Variants in MAP4K4 observed in about 807,000 individuals in gnomAD.
MAP4K4 encodes the protein mitogen-activated protein kinase kinase kinase kinase 4.
MAP4K4 carries 38 observed loss-of-function variants against 189.6 expected under a neutral mutation model. That is an observed-to-expected ratio of 0.20 (90% confidence interval 0.15 to 0.26). MAP4K4 has a LOEUF of 0.26. Among genes scored for constraint, MAP4K4 ranks in the 10% least tolerant of loss-of-function variants. The pLI, the probability that MAP4K4 is intolerant of heterozygous loss-of-function variation, is 1.00. For synonymous variants in MAP4K4, 610 were observed against 624.3 expected, an observed-to-expected ratio of 0.98 and a Z score of 0.34; for missense variants, 1,054 against 1,726.9, an observed-to-expected ratio of 0.61 and a Z score of 6.91.
In MAP4K4 at chr2:101,740,151, C is replaced by CTTTTTTT. The variant is rs71250687; in HGVS notation, c.123+41627_123+41633dup. On this transcript the variant is annotated intron_variant, in intron 2 of 32. Coordinates refer to ENST00000324219, the Ensembl canonical transcript of MAP4K4. ...TGGCTTCAAAGTTGCTTTATATCAT[C>CTTTTTTT]TTTTTTTTTTTTTTTTTTTTGAGAC... 3.0e-3 allele frequency among the ~76,000 whole-genome samples: 260 copies of CTTTTTTT among 87,182 alleles called. 48 individuals carry two copies. The highest frequency in any genetic ancestry group is 0.023 in the African/African-American group (248 of 10,776). 57.2% of individuals were successfully genotyped at this position (87,182 alleles called of 152,430 possible).
intron 2 of MAP4K4, among the ~76,000 whole-genome samples, chr2:101,776,562 A>G (rs552913297): frequency 7.4e-6 from 1 of 134,298 alleles, no homozygotes; most frequent in Non-Finnish European, 1.7e-5. Context: ...AAGACAAAAA[A>G]TGCACCCCCA....
chr2:101,856,567 C>CTGGA lies in MAP4K4; in HGVS notation c.1395+431_1395+432insGATG, dbSNP rs1226639475. 2.0e-5 allele frequency among the ~76,000 whole-genome samples: 3 copies of CTGGA among 152,134 alleles called. No homozygotes were observed. In the East Asian group the frequency reaches 5.8e-4, roughly 29 times the overall value. ...TGAATATCCAGTGGCTAAGTGAATA[C>CTGGA]TGTAATATATATCAGCATGTAATTC... On this transcript the variant is annotated intron_variant, in intron 13 of 32. Coordinates refer to ENST00000324219, the Ensembl canonical transcript of MAP4K4.
At chr2:101,753,684 C>G (rs1307098181) in intron 2 of MAP4K4, among the ~76,000 whole-genome samples, 2 of 150,806 alleles carry the variant, frequency 1.3e-5, no homozygotes, top group Admixed American at 6.6e-5. Flanking sequence ...TTTTCCTTAG[C>G]CCAGCAAAAA....
chr2:101,731,205 C>T (rs2058326355), intron 2 of MAP4K4, among the ~76,000 whole-genome samples: 1 of 151,900 alleles, frequency 6.6e-6, no homozygotes, highest in East Asian at 2.0e-4. Context: ...CAACCTCCGC[C>T]CCCCAGATTC....
intron 26 of MAP4K4, among the ~76,000 whole-genome samples, chr2:101,874,717 A>G (rs879584183): frequency 1.3e-5 from 2 of 152,186 alleles, no homozygotes; most frequent in African/African-American, 4.8e-5. Context: ...TTCATTTTTC[A>G]TGCTTGTAAT....
At chr2:101,813,960 T>C (rs982163943) in intron 3 of MAP4K4, among the ~76,000 whole-genome samples, 3 of 152,250 alleles carry the variant, frequency 2.0e-5, no homozygotes, top group Non-Finnish European at 4.4e-5. Flanking sequence ...TGGTTTGATA[T>C]CTTTCTAAGA....
chr2:101,704,547 A>G (rs1228281332), intron 2 of MAP4K4, among the ~76,000 whole-genome samples: 10 of 67,308 alleles, frequency 1.5e-4, no homozygotes, highest in East Asian at 1.2e-3. Context: ...GTGTGTATAT[A>G]TATATATATA....
At chr2:101,871,942 T>C (rs190785661) in intron 24 of MAP4K4, among the ~76,000 whole-genome samples, 47 of 152,348 alleles carry the variant, frequency 3.1e-4, no homozygotes, top group African/African-American at 1.0e-3. Flanking sequence ...CATGGCTTTA[T>C]CTAGTTTATT....
chr2:101,846,404 A>G (rs559232693), intron 12 of MAP4K4, among the ~76,000 whole-genome samples: 1 of 152,234 alleles, frequency 6.6e-6, no homozygotes, highest in Admixed American at 6.5e-5. Flanking sequence ...GGTGGCATAG[A>G]CTACTTTGGT....
chr2:101,795,563 C>T (rs1157647487), intron 3 of MAP4K4, among the ~76,000 whole-genome samples: 1 of 152,130 alleles, frequency 6.6e-6, no homozygotes, highest in Non-Finnish European at 1.5e-5. Flanking sequence ...TTGAGTACTT[C>T]CTTGTTTTCT....
At chr2:101,889,100 G>T (rs2098529305) in intron 32 of MAP4K4, among the ~76,000 whole-genome samples, 165 bp downstream of exon 32, 1 of 152,098 alleles carries the variant, frequency 6.6e-6, no homozygotes, top group Non-Finnish European at 1.5e-5. Context: ...GGAATGTTTT[G>T]CTTTTTGCTA....
At chr2:101,816,435 C>G (rs2095720452) in intron 3 of MAP4K4, among the ~76,000 whole-genome samples, 1 of 152,138 alleles carries the variant, frequency 6.6e-6, no homozygotes, top group Non-Finnish European at 1.5e-5. Context: ...GTTGCCATTC[C>G]TTTCTTGGAC....
chr2:101,868,078 T>C (rs1577075973), intron 21 of MAP4K4, 41 bp downstream of exon 21: 2 of 1,603,868 alleles, frequency 1.2e-6, no homozygotes, highest in East Asian at 4.5e-5. Flanking sequence ...AGAGCAGCAC[T>C]CCGACCGCCT....
intron 12 of MAP4K4, among the ~76,000 whole-genome samples, chr2:101,851,855 T>G (rs984566036): frequency 1.3e-5 from 2 of 151,666 alleles, no homozygotes; most frequent in Non-Finnish European, 2.9e-5. Context: ...GTCTTCTACG[T>G]TTTTTTAAAG....
chr2:101,761,223 T>A (rs1309685513), intron 2 of MAP4K4, among the ~76,000 whole-genome samples: 1 of 152,242 alleles, frequency 6.6e-6, no homozygotes, highest in Admixed American at 6.5e-5. Flanking sequence ...GATTTTCTTT[T>A]CTTTTGGTTT....
Position 101,780,736 on chromosome 2 carries a change from G to A in MAP4K4, c.124-9984G>A, listed in dbSNP as rs759298240. ...CTGGGAGGAGCTCCCTTTCTCATTG[G>A]TCAGTTAGTAATCTTTTATTTAGTG... is the stretch of plus-strand genomic sequence containing the variant. On this transcript the variant is annotated intron_variant, in intron 2 of 32. Coordinates refer to ENST00000324219, the Ensembl canonical transcript of MAP4K4. Among the ~76,000 whole-genome samples, 57 of 152,140 alleles carry A rather than the reference G, an allele frequency of 3.7e-4. 1 individual carries two copies. Among genetic ancestry groups the A allele is most frequent in the Admixed American group, 1.2e-3 (18 of 15,264 alleles).
rs535482715 is a variant in MAP4K4 at position 101,765,324 on chromosome 2, C to T, written c.124-25396C>T. Among the ~76,000 whole-genome samples the T allele has an allele frequency of 5.3e-5, 8 of 152,204 alleles. No homozygotes were observed. In the South Asian group the frequency reaches 6.2e-4, roughly 12 times the overall value. On this transcript the variant is annotated intron_variant, in intron 2 of 32. Coordinates refer to ENST00000324219, the Ensembl canonical transcript of MAP4K4. ...TGGCATGTGATAATGGCAAGATACT[C>T]GTAACTGTTTTTAGAGATGAAGTAT...
intron 21 of MAP4K4, 84 bp downstream of exon 21, chr2:101,868,121 G>A (rs1242877924): frequency 6.9e-7 from 1 of 1,445,554 alleles, no homozygotes; most frequent in Non-Finnish European, 9.6e-7. Context: ...CTGCGGTCCT[G>A]CTCCTTCCTC....
chr2:101,783,279 T>TG (rs796146503), intron 2 of MAP4K4, among the ~76,000 whole-genome samples: 1,252 of 73,752 alleles, frequency 0.017, 17 homozygotes, highest in African/African-American at 0.07. Flanking sequence ...TGTGTTTTTC[T>TG]GGAAAAAAAA....
Sources: allele counts gnomAD v4.1 joint callset (sites outside exome capture counted in the v4.1 genomes callset), GRCh38; gene constraint gnomAD v4.1.1; transcripts MANE v1.5; gene names NCBI Gene and HGNC (gene_info 2026-07-23, HGNC 2026-07-21).